Variants in COPS4 observed in about 807,000 individuals in gnomAD.
The protein encoded by COPS4 is COP9 signalosome complex subunit 4.
Under a neutral mutation model 55.1 loss-of-function variants are expected in COPS4, and 8 were observed. The observed-to-expected ratio is 0.15, with a 90% CI of 0.09 to 0.26. COPS4 has a LOEUF of 0.26. COPS4 is among the 10% of genes least tolerant of loss of function. The pLI is 1.00. For missense variants in COPS4, 248 were observed against 484.0 expected (o/e 0.51, Z 4.58); for synonymous variants, 185 against 165.7 (o/e 1.12, Z -0.90).
chr4:83,037,312 G>A (rs541096699), intron 1 of COPS4, among the ~76,000 whole-genome samples: 1 of 152,320 alleles, frequency 6.6e-6, no homozygotes, highest in Middle Eastern at 3.4e-3. Context: ...CAGATTCAAG[G>A]GGAGGGGAAA....
intron 6 of COPS4, 119 bp downstream of exon 6, chr4:83,057,527 A>G: frequency 1.4e-6 from 1 of 707,572 alleles, no homozygotes. Context: ...TTCATAATAC[A>G]GTTATGGTAA....
intron 9 of COPS4, among the ~76,000 whole-genome samples, chr4:83,069,792 C>T (rs933537085): frequency 8.6e-5 from 13 of 151,986 alleles, no homozygotes; most frequent in South Asian, 2.1e-4. Flanking sequence ...TTTCTTCCTT[C>T]GTGTTTTACT....
intron 6 of COPS4, among the ~76,000 whole-genome samples, chr4:83,060,052 T>A (rs1578715818): frequency 6.6e-6 from 1 of 152,016 alleles, no homozygotes; most frequent in East Asian, 1.9e-4. Context: ...TTTTAATAGG[T>A]TGTTTTAGTT....
At chr4:83,045,124 T>A (rs1261244695) in intron 1 of COPS4, among the ~76,000 whole-genome samples, 4 of 152,230 alleles carry the variant, frequency 2.6e-5, no homozygotes, top group Non-Finnish European at 5.9e-5. Context: ...TTTCGTTGCC[T>A]GGTCAACATT....
At position 83,057,269 on chromosome 4, in the gene COPS4, A is replaced by G; in HGVS notation, c.576A>G (p.Ala192=). 6.2e-7 allele frequency: 1 copy of G among 1,605,560 alleles called. No individual in the cohort carries two copies. Among genetic ancestry groups the G allele is most frequent in the Non-Finnish European group, 8.5e-7 (1 of 1,176,468 alleles). ...TTTCCCTCTGTTAGGTATGCTATGC[A>G]CGTGTTCTTGATTATAGAAGAAAAT... is the stretch of plus-strand genomic sequence containing the variant. ...QLQIHYKVCY[A]RVLDYRRKFI... The change falls in exon 6 of 10, where the codon GCA becomes GCG. Residue 192 remains alanine (A), a synonymous_variant. Transcript: ENST00000264389.
At chr4:83,041,291 G>A (rs1351523860) in intron 1 of COPS4, among the ~76,000 whole-genome samples, 1 of 151,894 alleles carries the variant, frequency 6.6e-6, no homozygotes, top group African/African-American at 2.4e-5. Flanking sequence ...TTGAACTCCT[G>A]ACCTCAGGTG....
At chr4:83,073,349 G>A in intron 9 of COPS4, 1 of 653,296 alleles carries the variant, frequency 1.5e-6, no homozygotes, top group Non-Finnish European at 2.8e-6. Flanking sequence ...TCCATGTCAT[G>A]GCAGGTAATC....
intron 9 of COPS4, among the ~76,000 whole-genome samples, chr4:83,069,938 A>G (rs1401446266): frequency 6.6e-6 from 1 of 151,890 alleles, no homozygotes; most frequent in African/African-American, 2.4e-5. Context: ...GTCTGATTTT[A>G]TCCTTTTTTT....
At chr4:83,043,849 A>G (rs1006476909) in intron 1 of COPS4, among the ~76,000 whole-genome samples, 3 of 152,202 alleles carry the variant, frequency 2.0e-5, no homozygotes, top group African/African-American at 7.2e-5. Context: ...CTTTCTTAGA[A>G]TAATTTATTT....
chr4:83,053,912 T>G (rs967747746), intron 4 of COPS4, among the ~76,000 whole-genome samples: 4 of 152,142 alleles, frequency 2.6e-5, no homozygotes, highest in African/African-American at 9.7e-5. Flanking sequence ...TTTTTAAAAT[T>G]TATAGTTCTT....
intron 6 of COPS4, 100 bp from the exon 7 acceptor site, chr4:83,062,975 AT>A (rs1246336598): frequency 6.1e-6 from 6 of 981,044 alleles, no homozygotes; most frequent in Non-Finnish European, 8.9e-6. Flanking sequence ...CTGGCTGTAT[AT>A]TTAGTAGACA....
intron 6 of COPS4, among the ~76,000 whole-genome samples, chr4:83,059,934 C>A (rs555486926): frequency 6.6e-6 from 1 of 152,016 alleles, no homozygotes; most frequent in Non-Finnish European, 1.5e-5. Flanking sequence ...ATCTCCTGAC[C>A]TTGTGATCCG....
chr4:83,065,112 C>A, intron 7 of COPS4: 1 of 664,674 alleles, frequency 1.5e-6, no homozygotes, highest in Non-Finnish European at 2.7e-6. Context: ...TGGGCTCAAG[C>A]AGTTCCTCCC....
intron 4 of COPS4, among the ~76,000 whole-genome samples, chr4:83,051,667 A>G (rs147014088): frequency 2.5e-3 from 377 of 152,318 alleles, no homozygotes; most frequent in African/African-American, 8.3e-3. Flanking sequence ...AAGTAGAAAT[A>G]TGTAGTGAGG....
chr4:83,050,044 TA>T, intron 4 of COPS4, 60 bp downstream of exon 4: 1 of 989,652 alleles, frequency 1.0e-6, no homozygotes, highest in Non-Finnish European at 1.5e-6. Context: ...TGCTCACTTA[TA>T]TTTTTTCTTA....
At chr4:83,075,006 G>T (rs1731536826) in intron 9 of COPS4, among the ~76,000 whole-genome samples, 3 of 151,818 alleles carry the variant, frequency 2.0e-5, no homozygotes, top group Admixed American at 2.0e-4. Context: ...AATCTCAGCT[G>T]CTTGGGAGGC....
At chr4:83,046,015 T>C (rs1730701591) in intron 2 of COPS4, among the ~76,000 whole-genome samples, 1 of 152,098 alleles carries the variant, frequency 6.6e-6, no homozygotes, top group African/African-American at 2.4e-5. Flanking sequence ...TTGGGTCAAT[T>C]ATTTAACCTC....
At chr4:83,063,954 C>G (rs1731237123) in intron 7 of COPS4, among the ~76,000 whole-genome samples, 1 of 152,192 alleles carries the variant, frequency 6.6e-6, no homozygotes, top group Non-Finnish European at 1.5e-5. Context: ...CCCCCCTCAG[C>G]CTCTCAAAGT....
At chr4:83,073,955 T>TG (rs1200705810) in intron 9 of COPS4, among the ~76,000 whole-genome samples, 7 of 68,586 alleles carry the variant, frequency 1.0e-4, no homozygotes, top group African/African-American at 3.4e-4. Context: ...AGACTCCGTC[T>TG]CAAAAAAAAA....
Sources: gnomAD v4.1 joint callset for allele counts (sites outside exome capture counted in the v4.1 genomes callset) on GRCh38, gnomAD v4.1.1 for gene constraint, MANE v1.5 for transcripts, NCBI Gene and HGNC (gene_info 2026-07-23, HGNC 2026-07-21) for gene names.